Variants in PSMF1 observed in about 807,000 individuals in gnomAD.
The protein encoded by PSMF1 is proteasome inhibitor subunit 1.
PSMF1 carries 30 observed loss-of-function variants against 29.3 expected under a neutral mutation model. That is an observed-to-expected ratio of 1.02 (90% CI 0.77 to 1.39). The LOEUF (loss-of-function observed/expected upper bound fraction) is 1.39, where lower values mean the gene tolerates loss of function less well. Ranked by LOEUF, PSMF1 falls within the 40% of genes most tolerant of loss-of-function variation. The probability of loss-of-function intolerance (pLI) is 0.00; values close to 1 mark genes in which losing one functional copy is unlikely to be tolerated. For synonymous variants in PSMF1, 134 were observed against 139.7 expected (o/e 0.96, Z 0.29); for missense variants, 344 against 357.5 (o/e 0.96, Z 0.31).
chr20:1,155,710 G>A (rs182851692), intron 4 of PSMF1, among the ~76,000 whole-genome samples: 1 of 152,336 alleles, frequency 6.6e-6, no homozygotes, highest in Admixed American at 6.5e-5. Flanking sequence ...GTCCCAGACT[G>A]ACAACTGGAT....
intron 4 of PSMF1, among the ~76,000 whole-genome samples, chr20:1,151,393 G>A (rs2086528815): frequency 6.6e-6 from 1 of 152,210 alleles, no homozygotes; most frequent in Admixed American, 6.5e-5. Context: ...ATGGGACTCA[G>A]GCACTACACT....
chr20:1,156,904 A>C (rs1289833490), intron 4 of PSMF1, among the ~76,000 whole-genome samples: 3 of 152,220 alleles, frequency 2.0e-5, no homozygotes, highest in Non-Finnish European at 4.4e-5. Context: ...TAGTTTTATT[A>C]GTGTTCTCTT....
At chr20:1,125,434 A>C in intron 1 of PSMF1, 64 bp from the exon 2 acceptor site, 1 of 1,487,774 alleles carries the variant, frequency 6.7e-7, no homozygotes, top group Non-Finnish European at 9.0e-7. Context: ...TTATCTCGTG[A>C]GGTTCTTTAT....
intron 4 of PSMF1, among the ~76,000 whole-genome samples, chr20:1,139,744 CAA>C (rs34942443): frequency 1.2e-4 from 4 of 34,212 alleles, no homozygotes; most frequent in Non-Finnish European, 2.7e-4. Flanking sequence ...GACTCCATCT[CAA>C]AAAAAAAAAA....
At position 1,127,429 on chromosome 20, in the gene PSMF1, T is replaced by G. The variant is rs748582599; in HGVS notation, c.286T>G (p.Tyr96Asp). ...ESSMILNVLE[Y>D]GSQQVADLTL... ...CTTTCTATTTTCACCCATCTAGGAA[T>G]ATGGCTCACAGCAAGTGGCAGACTT... is the stretch of plus-strand genomic sequence containing the variant. Residue 96 changes from tyrosine to aspartate, a missense_variant, in exon 3 of 7, where the codon TAT (tyrosine) becomes GAT (aspartate). Tyr to Asp is a radical substitution (Grantham distance 160). Coordinates refer to ENST00000335877, the MANE Select transcript of PSMF1 (RefSeq NM_006814.5). The G allele has an allele frequency of 3.1e-6, 5 of 1,597,420 alleles. No individual in the cohort carries two copies. The Admixed American group carries it at 8.3e-5, about 27-fold the overall frequency.
rs1438022189 is a variant in PSMF1 at position 1,171,798 on chromosome 20, G to C, written c.*6718G>C. On this transcript the variant is annotated 3_prime_UTR_variant, in exon 7 of 7. Coordinates refer to ENST00000335877, the MANE Select transcript of PSMF1 (RefSeq NM_006814.5). Reference sequence around the variant, plus strand: ...ACAGACAGGCATCCTGAGAGGAGGGGGCCTGGACCTAGGTGTCTTGCCACC... The same window carrying C: ...ACAGACAGGCATCCTGAGAGGAGGGCGCCTGGACCTAGGTGTCTTGCCACC... Among the ~76,000 whole-genome samples the C allele has an allele frequency of 6.6e-6, 1 of 152,168 alleles. No individual in the cohort carries two copies. The highest frequency in any genetic ancestry group is 1.5e-5 in the Non-Finnish European group (1 of 68,036).
chr20:1,117,571 T>G (rs937739330), upstream of PSMF1, among the ~76,000 whole-genome samples: 5 of 152,196 alleles, frequency 3.3e-5, no homozygotes, highest in Non-Finnish European at 7.3e-5. Context: ...CTCAAACTCC[T>G]GACCTCAAGT....
At chr20:1,115,876 G>A (rs1219300634), upstream of PSMF1, among the ~76,000 whole-genome samples, 1 of 151,878 alleles carries the variant, frequency 6.6e-6, no homozygotes, top group Non-Finnish European at 1.5e-5. Flanking sequence ...GGGATTACAG[G>A]TGCCTGCCAC....
At chr20:1,127,169 C>T in intron 2 of PSMF1, 1 of 640,280 alleles carries the variant, frequency 1.6e-6, no homozygotes, top group East Asian at 2.7e-5. Flanking sequence ...TTCAACACCT[C>T]AATTACCATG....
intron 4 of PSMF1, among the ~76,000 whole-genome samples, chr20:1,149,439 C>G (rs1194911303): frequency 6.6e-6 from 1 of 152,198 alleles, no homozygotes; most frequent in African/African-American, 2.4e-5. Flanking sequence ...ATATGCAGAT[C>G]TGCTCAAAGT....
Position 1,118,909 on chromosome 20 carries a change from C to A in PSMF1, c.129+7C>A. On this transcript the variant is annotated splice_region_variant and intron_variant, in intron 1 of 6. Transcript: ENST00000335877. Reference sequence around the variant, plus strand: ...CTTGGGTGTCGGTGACCAGGTACGCCACGGAGCCGGCCAGGGTGGAGGAGG... The same window carrying A: ...CTTGGGTGTCGGTGACCAGGTACGCAACGGAGCCGGCCAGGGTGGAGGAGG... The A allele has an allele frequency of 1.2e-6, 2 of 1,613,808 alleles. No individual in the cohort carries two copies. Among genetic ancestry groups the A allele is most frequent in the Non-Finnish European group, 8.5e-7 (1 of 1,179,832 alleles).
At chr20:1,149,252 G>A (rs1333464667) in intron 4 of PSMF1, among the ~76,000 whole-genome samples, 1 of 152,214 alleles carries the variant, frequency 6.6e-6, no homozygotes, top group Non-Finnish European at 1.5e-5. Flanking sequence ...ACGAGTAGTA[G>A]TTTTTGTAAG....
intron 4 of PSMF1, 151 bp from the exon 5 acceptor site, chr20:1,162,979 G>GC: frequency 1.4e-6 from 1 of 691,506 alleles, no homozygotes; most frequent in Non-Finnish European, 2.5e-6. Flanking sequence ...GATTATCATT[G>GC]TTCATCTGAG....
At chr20:1,143,207 T>G (rs1272110319) in intron 4 of PSMF1, among the ~76,000 whole-genome samples, 1 of 152,200 alleles carries the variant, frequency 6.6e-6, no homozygotes, top group Non-Finnish European at 1.5e-5. Context: ...TAACAATTTT[T>G]TAAAAGAATA....
intron 4 of PSMF1, among the ~76,000 whole-genome samples, chr20:1,141,936 A>C (rs1354895831): frequency 6.6e-6 from 1 of 152,246 alleles, no homozygotes; most frequent in Non-Finnish European, 1.5e-5. Flanking sequence ...CTACTCAGAT[A>C]GGCTGGGCAC....
chr20:1,119,577 C>T (rs764683693), intron 1 of PSMF1, among the ~76,000 whole-genome samples: 1 of 152,114 alleles, frequency 6.6e-6, no homozygotes, highest in Non-Finnish European at 1.5e-5. Context: ...AAGATTTTCT[C>T]CTCATAGTTG....
rs2086770288 is a variant in PSMF1 at position 1,169,653 on chromosome 20, A to AG, written c.*4575dup. Among the ~76,000 whole-genome samples the AG allele has an allele frequency of 6.6e-6, 1 of 152,212 alleles. No individual in the cohort carries two copies. Among genetic ancestry groups the AG allele is most frequent in the African/African-American group, 2.4e-5 (1 of 41,454 alleles). On this transcript the variant is annotated 3_prime_UTR_variant, in exon 7 of 7. Transcript: ENST00000335877. ...TCATCATTGCTACAATCTGGGGATT[A>AG]GGAACTCCAGAGCCACACAGCAGCT... is the stretch of plus-strand genomic sequence containing the variant.
intron 4 of PSMF1, chr20:1,161,037 A>G (rs1440899041): frequency 7.4e-6 from 3 of 405,790 alleles, no homozygotes; most frequent in Non-Finnish European, 1.4e-5. Context: ...ATTGTCATGG[A>G]TTCTGGAGAC....
rs2086765768 is a variant in PSMF1, at chr20:1,169,230, A to G, written c.*4150A>G. ...GTACTTGGCCCTGAATCTGTCCTGG[A>G]GGGTGGGTCAAAAGGCAAGGGTGGC... is the stretch of plus-strand genomic sequence containing the variant. On this transcript the variant is annotated 3_prime_UTR_variant, in exon 7 of 7. Transcript: ENST00000335877. Among the ~76,000 whole-genome samples the G allele has an allele frequency of 6.6e-6, 1 of 152,118 alleles. No homozygotes were observed. Among genetic ancestry groups the G allele is most frequent in the African/African-American group, 2.4e-5 (1 of 41,436 alleles).
Sources: allele counts gnomAD v4.1 joint callset (sites outside exome capture counted in the v4.1 genomes callset), GRCh38; gene constraint gnomAD v4.1.1; transcripts MANE v1.5; gene names NCBI Gene and HGNC (gene_info 2026-07-23, HGNC 2026-07-21).